WDR7: variants seen among roughly 807,000 people sequenced by gnomAD.
The protein encoded by WDR7 is WD repeat domain 7.
In WDR7, 46 loss-of-function variants were observed where a neutral mutation model predicts 169.4. The ratio of observed to expected loss-of-function variants is 0.27; its 90% CI spans 0.21 to 0.35. WDR7 has a LOEUF of 0.35. WDR7 is among the 10% of genes least tolerant of loss of function. The probability of loss-of-function intolerance (pLI) is 1.00; values close to 1 mark genes in which losing one functional copy is unlikely to be tolerated. For synonymous variants in WDR7, 612 were observed against 666.8 expected (o/e 0.92, Z 1.27); for missense variants, 1,534 against 1,859.3 (o/e 0.83, Z 3.22).
intron 20 of WDR7, among the ~76,000 whole-genome samples, chr18:56,818,039 G>A (rs1268724484): frequency 6.6e-6 from 1 of 152,052 alleles, no homozygotes; most frequent in Non-Finnish European, 1.5e-5. Context: ...CACTGCACCT[G>A]GCCTATTTGC....
chr18:56,871,648 G>A (rs1378503070), intron 20 of WDR7, among the ~76,000 whole-genome samples: 3 of 151,826 alleles, frequency 2.0e-5, no homozygotes, highest in Non-Finnish European at 4.4e-5. Flanking sequence ...CTTTCAAAAG[G>A]TTTTTAGGGT....
chr18:56,874,501 A>G (rs1312796465), intron 20 of WDR7, among the ~76,000 whole-genome samples: 1 of 152,040 alleles, frequency 6.6e-6, no homozygotes, highest in Non-Finnish European at 1.5e-5. Context: ...AATTTAAAAT[A>G]TTTTATAAGA....
In WDR7 at chr18:56,757,051, T is replaced by A; in HGVS notation, c.2458T>A (p.Cys820Ser). 6.2e-7 allele frequency: 1 copy of A among 1,614,210 alleles called. No homozygotes were observed. The highest frequency in any genetic ancestry group is 1.6e-4 in the Middle Eastern group (1 of 6,062). ...TTTGAATGAAGTACTGGATGAAGTT[T>A]GCCTGGATCGCCTTGGAATGCTGAA... Reference protein sequence around the residue: ...WGLNEVLDEVCLDRLGMLKPH... With the variant: ...WGLNEVLDEVSLDRLGMLKPH... Residue 820 changes from cysteine to serine, a missense_variant, in exon 15 of 28, where the codon TGC becomes AGC. Transcript: ENST00000254442.
intron 16 of WDR7, among the ~76,000 whole-genome samples, chr18:56,776,386 A>T (rs757078930): frequency 1.1e-4 from 16 of 152,200 alleles, no homozygotes; most frequent in Non-Finnish European, 1.9e-4. Flanking sequence ...ACTGTTAGGA[A>T]AATGTAACTG....
At chr18:56,712,937 AT>A (rs2144719297) in intron 12 of WDR7, among the ~76,000 whole-genome samples, 1 of 152,298 alleles carries the variant, frequency 6.6e-6, no homozygotes, top group South Asian at 2.1e-4. Flanking sequence ...CCTGTTTTGC[AT>A]ACCAGAGGGA....
intron 25 of WDR7, among the ~76,000 whole-genome samples, chr18:56,955,987 C>T (rs946887086): frequency 2.0e-5 from 3 of 152,138 alleles, no homozygotes; most frequent in Non-Finnish European, 4.4e-5. Context: ...CTGGATAGCC[C>T]AGGAAACATT....
intron 26 of WDR7, among the ~76,000 whole-genome samples, chr18:56,993,111 A>G (rs2047841452): frequency 6.6e-6 from 1 of 152,216 alleles, no homozygotes; most frequent in South Asian, 2.1e-4. Context: ...TTTAGATGAA[A>G]TGGAGTAATT....
intron 2 of WDR7, among the ~76,000 whole-genome samples, chr18:56,674,487 A>C (rs1568129988): frequency 6.6e-6 from 1 of 152,056 alleles, no homozygotes; most frequent in Non-Finnish European, 1.5e-5. Context: ...TTTTAACTTA[A>C]AATTTTTTCC....
At chr18:56,857,611 T>G (rs112962062) in intron 20 of WDR7, among the ~76,000 whole-genome samples, 1 of 152,120 alleles carries the variant, frequency 6.6e-6, no homozygotes, top group Non-Finnish European at 1.5e-5. Flanking sequence ...ACATATATAT[T>G]TTGCCAGCAT....
chr18:57,011,976 G>T (rs1465500557), intron 26 of WDR7, among the ~76,000 whole-genome samples: 1 of 152,120 alleles, frequency 6.6e-6, no homozygotes, highest in Non-Finnish European at 1.5e-5. Context: ...GCCTCTTTGG[G>T]GGTACAGACA....
intron 20 of WDR7, among the ~76,000 whole-genome samples, chr18:56,865,092 T>C (rs920763726): frequency 4.6e-5 from 7 of 152,024 alleles, no homozygotes; most frequent in Non-Finnish European, 8.8e-5. Flanking sequence ...AAGTGATACA[T>C]GTTTAAAAAG....
In WDR7 at chr18:56,691,812, A is replaced by G; in HGVS notation, c.961A>G (p.Lys321Glu). Residue 321 changes from lysine (K) to glutamate (E), a missense_variant, in exon 9 of 28, where the codon AAA (lysine) becomes GAA (glutamate). Lys to Glu is a moderately conservative substitution (Grantham distance 56, BLOSUM62 1). Transcript: ENST00000254442. ...ACATATCCTCTTGGATCGAAAAGATAAAGAGGTAAAATTCTTGAGGTGTCA... is the reference window on the plus strand; with the variant it reads ...ACATATCCTCTTGGATCGAAAAGATGAAGAGGTAAAATTCTTGAGGTGTCA... ...VQHILLDRKDKELLICPPVTR... is the reference protein window; with the variant it reads ...VQHILLDRKDEELLICPPVTR... 6.2e-7 allele frequency: 1 copy of G among 1,604,694 alleles called. No individual in the cohort carries two copies. The highest frequency in any genetic ancestry group is 8.5e-7 in the Non-Finnish European group (1 of 1,176,220).
At chr18:56,962,388 G>A (rs1599197259) in intron 25 of WDR7, 42 bp from the exon 26 acceptor site, 2 of 1,579,808 alleles carry the variant, frequency 1.3e-6, no homozygotes, top group East Asian at 4.5e-5. Context: ...CATCTCACCT[G>A]GCTTCTTGTT....
intron 20 of WDR7, among the ~76,000 whole-genome samples, chr18:56,831,993 C>T (rs2045317986): frequency 6.6e-6 from 1 of 152,122 alleles, no homozygotes; most frequent in Non-Finnish European, 1.5e-5. Context: ...ACATCAGAAC[C>T]GTTCACTCCC....
chr18:56,987,271 C>T (rs2047735729), intron 26 of WDR7, among the ~76,000 whole-genome samples: 2 of 116,436 alleles, frequency 1.7e-5, no homozygotes, highest in Admixed American at 2.2e-4. Context: ...AAGGTTAAGC[C>T]TTATCATCTG....
At chr18:56,940,294 T>C (rs892939489) in intron 25 of WDR7, among the ~76,000 whole-genome samples, 1 of 152,198 alleles carries the variant, frequency 6.6e-6, no homozygotes, top group Non-Finnish European at 1.5e-5. Flanking sequence ...CTGAGAGCAA[T>C]GGCATTACCT....
Position 56,686,867 on chromosome 18 carries a change from A to G in WDR7, c.610A>G (p.Ile204Val), listed in dbSNP as rs1181811524. 6.2e-7 allele frequency: 1 copy of G among 1,601,554 alleles called. No individual in the cohort carries two copies. Among genetic ancestry groups the G allele is most frequent in the Non-Finnish European group, 8.6e-7 (1 of 1,169,286 alleles). ...TCTTTCTTTTCAGGATACTGAGCCAATATTTGAGGAGGAATCCAAACCAAT... is the reference window on the plus strand; with the variant it reads ...TCTTTCTTTTCAGGATACTGAGCCAGTATTTGAGGAGGAATCCAAACCAAT... The part of the protein sequence containing the change: ...EISDMQDTEP[I>V]FEEESKPIYC... The change falls in exon 7 of 28, where the codon ATA becomes GTA. Residue 204 changes from isoleucine (I) to valine (V), a missense_variant. Physicochemically the swap from Ile to Val is conservative, Grantham distance 29. Transcript: ENST00000254442.
chr18:56,794,302 C>CTCTTTTTTTTTTT (rs1217568621), intron 19 of WDR7, among the ~76,000 whole-genome samples: 3 of 29,466 alleles, frequency 1.0e-4, no homozygotes, highest in Non-Finnish European at 2.7e-4. Flanking sequence ...AAGGTAAAGT[C>CTCTTTTTTTTTTT]TATTTTTTTT....
Position 56,781,668 on chromosome 18 carries a change from C to T in WDR7, c.3190+12C>T, listed in dbSNP as rs1260481370. The stretch of plus-strand genomic sequence containing the variant: ...CCACGTCATATCACGTAAGAGTTCT[C>T]ATGCTTCTCTACAAAGCTTTGCAGG... On this transcript the variant is annotated intron_variant, in intron 19 of 27. Transcript: ENST00000254442. The T allele has an allele frequency of 1.9e-6, 3 of 1,576,674 alleles. No homozygotes were observed. The Admixed American group carries it at 5.4e-5, about 28-fold the overall frequency.
Sources: allele counts gnomAD v4.1 joint callset (sites outside exome capture counted in the v4.1 genomes callset), GRCh38; gene constraint gnomAD v4.1.1; transcripts MANE v1.5; gene names NCBI Gene and HGNC (gene_info 2026-07-23, HGNC 2026-07-21).